The following PIP5K1B variants were observed in gnomAD, a reference collection of about 807,000 sequenced individuals.
PIP5K1B encodes the protein phosphatidylinositol 4-phosphate 5-kinase type-1 beta.
In PIP5K1B, 42 loss-of-function variants were observed where a neutral mutation model predicts 67.0. The ratio of observed to expected loss-of-function variants is 0.63; its 90% CI spans 0.49 to 0.81. PIP5K1B has a LOEUF of 0.81. Among genes scored for constraint, PIP5K1B ranks in the 30% least tolerant of loss-of-function variants. The pLI is 0.00. For missense variants in PIP5K1B, 459 were observed against 646.3 expected (o/e 0.71, Z 3.14); for synonymous variants, 214 against 231.4 (o/e 0.92, Z 0.68).
chr9:68,998,356 T>G (rs1830683048), intron 15 of PIP5K1B, among the ~76,000 whole-genome samples: 1 of 152,202 alleles, frequency 6.6e-6, no homozygotes, highest in South Asian at 2.1e-4. Context: ...CCGGCTGATT[T>G]CCACTTTCTT....
intron 1 of PIP5K1B, among the ~76,000 whole-genome samples, chr9:68,736,070 G>T (rs1248993337): frequency 1.3e-5 from 2 of 152,182 alleles, no homozygotes; most frequent in Non-Finnish European, 2.9e-5. Flanking sequence ...CACGGAAAGC[G>T]CATGTGAGTG....
intron 7 of PIP5K1B, among the ~76,000 whole-genome samples, chr9:68,892,367 C>T (rs1824836916): frequency 6.6e-6 from 1 of 152,056 alleles, no homozygotes; most frequent in Non-Finnish European, 1.5e-5. Flanking sequence ...ATAGCATATA[C>T]AAAAAATATA....
intron 4 of PIP5K1B, among the ~76,000 whole-genome samples, chr9:68,830,135 AAAAAAATAG>A: frequency 6.6e-6 from 1 of 152,174 alleles, no homozygotes; most frequent in African/African-American, 2.4e-5. Flanking sequence ...CATCTCAAAA[AAAAAAATAG>A]TAAACTGCTG....
At chr9:68,810,036 G>A (rs771452179) in intron 2 of PIP5K1B, among the ~76,000 whole-genome samples, 1 of 152,168 alleles carries the variant, frequency 6.6e-6, no homozygotes, top group Non-Finnish European at 1.5e-5. Context: ...GAATTCAAAA[G>A]AGCATAAATA....
Position 68,899,083 on chromosome 9 carries a change from C to T in PIP5K1B, c.771+4445C>T, listed in dbSNP as rs188865186. Among the ~76,000 whole-genome samples, 459 of 152,306 alleles carry T rather than the reference C, an allele frequency of 3.0e-3. 1 individual carries two copies. The highest frequency in any genetic ancestry group is 4.6e-3 in the Non-Finnish European group (313 of 68,026). The stretch of plus-strand genomic sequence containing the variant: ...CTTCTGTCTCCAGCCTTCTCTCTCC[C>T]CTCTCCTCTGATACAGATCCCCACT... On this transcript the variant is annotated intron_variant, in intron 8 of 15. Coordinates refer to ENST00000265382, the MANE Select transcript of PIP5K1B (RefSeq NM_003558.4).
intron 12 of PIP5K1B, among the ~76,000 whole-genome samples, chr9:68,927,174 T>C (rs1310131722): frequency 6.6e-6 from 1 of 152,252 alleles, no homozygotes; most frequent in Admixed American, 6.5e-5. Context: ...TATTCATCAG[T>C]TGATGGATAT....
intron 4 of PIP5K1B, among the ~76,000 whole-genome samples, chr9:68,845,248 A>G (rs1822128841): frequency 1.3e-5 from 2 of 152,178 alleles, no homozygotes; most frequent in South Asian, 2.1e-4. Flanking sequence ...ATGTCTGTCC[A>G]TGTTTGTAAA....
intron 8 of PIP5K1B, among the ~76,000 whole-genome samples, chr9:68,903,945 G>A (rs1825489214): frequency 6.6e-6 from 1 of 152,118 alleles, no homozygotes; most frequent in Admixed American, 6.5e-5. Context: ...CATTTCCAAG[G>A]CTTACTTTAT....
chr9:68,759,773 C>T (rs1830104576), intron 2 of PIP5K1B, among the ~76,000 whole-genome samples: 1 of 151,910 alleles, frequency 6.6e-6, no homozygotes, highest in Non-Finnish European at 1.5e-5. Flanking sequence ...AATCTCATTA[C>T]TTTTTATATT....
At chr9:68,880,261 G>A (rs1287545057) in intron 6 of PIP5K1B, among the ~76,000 whole-genome samples, 1 of 152,090 alleles carries the variant, frequency 6.6e-6, no homozygotes, top group African/African-American at 2.4e-5. Flanking sequence ...TAACTTAAAA[G>A]GTAGAGAGAG....
chr9:68,787,793 T>C (rs1306472605), intron 2 of PIP5K1B, among the ~76,000 whole-genome samples: 1 of 152,018 alleles, frequency 6.6e-6, no homozygotes, highest in Non-Finnish European at 1.5e-5. Context: ...CCACCATGCC[T>C]GACTAGTTTT....
At chr9:68,944,364 CTT>C (rs1827701497) in intron 14 of PIP5K1B, among the ~76,000 whole-genome samples, 1 of 152,214 alleles carries the variant, frequency 6.6e-6, no homozygotes, top group African/African-American at 2.4e-5. Context: ...ATAGGTTACA[CTT>C]ATGAATATTT....
chr9:68,862,822 A>AATAT (rs10573796), intron 4 of PIP5K1B, among the ~76,000 whole-genome samples: 13,119 of 144,296 alleles, frequency 0.091, 748 homozygotes, highest in Middle Eastern at 0.14. Flanking sequence ...TAAATAAATA[A>AATAT]ATATATATAT....
intron 2 of PIP5K1B, among the ~76,000 whole-genome samples, chr9:68,813,285 C>G (rs1833264577): frequency 6.6e-6 from 1 of 152,178 alleles, no homozygotes; most frequent in Non-Finnish European, 1.5e-5. Flanking sequence ...ATGGTCAAGT[C>G]TAAATAAATG....
intron 4 of PIP5K1B, among the ~76,000 whole-genome samples, chr9:68,832,698 C>T (rs1834383276): frequency 6.6e-6 from 1 of 152,210 alleles, no homozygotes; most frequent in South Asian, 2.1e-4. Flanking sequence ...CCCAGACACC[C>T]AGAGACAGAA....
At chr9:68,860,704 G>T (rs1407652955) in intron 4 of PIP5K1B, among the ~76,000 whole-genome samples, 50 of 152,140 alleles carry the variant, frequency 3.3e-4, no homozygotes, top group Non-Finnish European at 2.9e-5. Flanking sequence ...ACTTAACCTT[G>T]CTGAGCCTTA....
chr9:68,899,342 G>A (rs899332184), intron 8 of PIP5K1B, among the ~76,000 whole-genome samples: 3 of 152,110 alleles, frequency 2.0e-5, no homozygotes, highest in African/African-American at 7.2e-5. Flanking sequence ...TGTAAATCCT[G>A]GAGCCTGAGG....
At chr9:68,762,814 G>A (rs1830244371) in intron 2 of PIP5K1B, among the ~76,000 whole-genome samples, 1 of 152,130 alleles carries the variant, frequency 6.6e-6, no homozygotes, top group South Asian at 2.1e-4. Flanking sequence ...TGTATGGGAT[G>A]TGCCACTTCC....
At chr9:68,801,930 T>A (rs1367916248) in intron 2 of PIP5K1B, among the ~76,000 whole-genome samples, 1 of 152,184 alleles carries the variant, frequency 6.6e-6, no homozygotes, top group African/African-American at 2.4e-5. Context: ...AGTCAGTGTG[T>A]TACCATCACA....
Sources: gnomAD v4.1 joint callset for allele counts (sites outside exome capture counted in the v4.1 genomes callset) on GRCh38, gnomAD v4.1.1 for gene constraint, MANE v1.5 for transcripts, NCBI Gene and HGNC (gene_info 2026-07-23, HGNC 2026-07-21) for gene names.